Variants in EPS15 observed in about 807,000 individuals in gnomAD.
The protein encoded by EPS15 is epidermal growth factor receptor pathway substrate 15.
In EPS15, 72 loss-of-function variants were observed where a neutral mutation model predicts 113.8. The observed-to-expected ratio is 0.63, with a 90% CI of 0.52 to 0.77. The LOEUF is 0.77. EPS15 is among the 30% of genes least tolerant of loss of function. The pLI is 0.00. For missense variants in EPS15, 1,048 were observed against 1,045.8 expected (o/e 1.00, Z -0.03); for synonymous variants, 344 against 363.4 (o/e 0.95, Z 0.61).
At chr1:51,402,169 CACATACAT>C (rs537916848) in intron 18 of EPS15, among the ~76,000 whole-genome samples, 93 of 150,614 alleles carry the variant, frequency 6.2e-4, no homozygotes, top group African/African-American at 2.2e-3. Flanking sequence ...AATAAATACA[CACATACAT>C]ACATACATAC....
chr1:51,466,629 A>AAAAAT (rs1553131562), intron 5 of EPS15, among the ~76,000 whole-genome samples: 1 of 151,862 alleles, frequency 6.6e-6, no homozygotes, highest in Admixed American at 6.6e-5. Context: ...CTCTCAAAAA[A>AAAAAT]AAATAAATAA....
intron 21 of EPS15, among the ~76,000 whole-genome samples, chr1:51,375,640 T>G (rs1287555088): frequency 6.6e-6 from 1 of 152,220 alleles, no homozygotes. Flanking sequence ...CCTATATACA[T>G]ATCTCTTTTT....
At chr1:51,472,535 G>C (rs551654257) in intron 3 of EPS15, among the ~76,000 whole-genome samples, 37 of 152,262 alleles carry the variant, frequency 2.4e-4, no homozygotes, top group African/African-American at 8.4e-4. Flanking sequence ...AGTTATAACA[G>C]AGGAAGTAGG....
chr1:51,466,956 T>C (rs1469617127), intron 5 of EPS15, among the ~76,000 whole-genome samples: 2 of 152,002 alleles, frequency 1.3e-5, no homozygotes, highest in African/African-American at 2.4e-5. Context: ...AAAGAGGCCC[T>C]AGAATTCAAT....
Position 51,444,936 on chromosome 1 carries a change from G to C in EPS15, c.907C>G (p.Leu303Val). The change falls in exon 11 of 25, where the codon CTT (leucine) becomes GTT (valine). Residue 303 changes from leucine to valine, a missense_variant. Transcript: ENST00000371733. ...LIKGIDPPHV[L>V]TPEMIPPSDR... ...GATGGTGGAATCATTTCAGGAGTAA[G>C]AACGTGAGGAGGATCAATGCCCTTG... The C allele has an allele frequency of 6.2e-7, 1 of 1,613,966 alleles. No homozygotes were observed.
chr1:51,376,466 C>A (rs995438063), intron 21 of EPS15, among the ~76,000 whole-genome samples: 5 of 152,162 alleles, frequency 3.3e-5, no homozygotes, highest in African/African-American at 1.2e-4. Flanking sequence ...GAGTTCGAGA[C>A]CAGCCTGGCC....
At chr1:51,429,542 G>A (rs145365681) in intron 12 of EPS15, among the ~76,000 whole-genome samples, 224 of 152,044 alleles carry the variant, frequency 1.5e-3, no homozygotes, top group Non-Finnish European at 2.7e-3. Flanking sequence ...ACCTAGAATG[G>A]AAGGTTCATG....
chr1:51,452,099 G>T (rs71651196), intron 8 of EPS15, among the ~76,000 whole-genome samples: 38,806 of 149,994 alleles, frequency 0.26, 6,041 homozygotes, highest in Middle Eastern at 0.39. Flanking sequence ...CAGGCTGGTT[G>T]GTCTCCAACT....
intron 2 of EPS15, among the ~76,000 whole-genome samples, chr1:51,473,203 T>C (rs919638792): frequency 3.3e-5 from 5 of 152,178 alleles, no homozygotes; most frequent in African/African-American, 4.8e-5. Flanking sequence ...GCTCAGAGGA[T>C]TGTCAAAGCA....
intron 1 of EPS15, among the ~76,000 whole-genome samples, chr1:51,486,944 A>G (rs1484241112): frequency 2.6e-5 from 4 of 152,212 alleles, no homozygotes; most frequent in African/African-American, 9.6e-5. Flanking sequence ...TGCTGGGATT[A>G]CAGGCATAAG....
At chr1:51,417,030 G>A (rs1388160059) in intron 13 of EPS15, among the ~76,000 whole-genome samples, 1 of 151,916 alleles carries the variant, frequency 6.6e-6, no homozygotes, top group Admixed American at 6.6e-5. Context: ...AATAAACTAG[G>A]GTGGGTGTTA....
chr1:51,398,906 G>GA (rs914090434), intron 20 of EPS15, 126 bp downstream of exon 20: 47 of 827,412 alleles, frequency 5.7e-5, no homozygotes, highest in Non-Finnish European at 6.3e-5. Flanking sequence ...GGATGAGACT[G>GA]AAATTCTTAT....
At chr1:51,374,607 A>G (rs1209048471) in intron 21 of EPS15, among the ~76,000 whole-genome samples, 1 of 152,248 alleles carries the variant, frequency 6.6e-6, no homozygotes, top group East Asian at 1.9e-4. Flanking sequence ...TCTGTCTCCA[A>G]AACAAAACAA....
intron 2 of EPS15, among the ~76,000 whole-genome samples, chr1:51,474,418 A>G (rs550709656): frequency 6.6e-6 from 1 of 152,346 alleles, no homozygotes; most frequent in Non-Finnish European, 1.5e-5. Flanking sequence ...TTGGTAGATG[A>G]AGTCAGGATT....
intron 12 of EPS15, among the ~76,000 whole-genome samples, chr1:51,426,837 C>CTCTATA (rs377211027): frequency 1.4e-4 from 20 of 143,564 alleles, no homozygotes; most frequent in African/African-American, 3.4e-4. Context: ...CTCTCTCTCT[C>CTCTATA]TATATATATA....
At chr1:51,441,025 C>G (rs1409329967) in intron 11 of EPS15, among the ~76,000 whole-genome samples, 1 of 151,954 alleles carries the variant, frequency 6.6e-6, no homozygotes, top group African/African-American at 2.4e-5. Flanking sequence ...GACATCCTGT[C>G]CATACAGTTT....
intron 12 of EPS15, among the ~76,000 whole-genome samples, chr1:51,430,972 TTACA>T (rs1210145447): frequency 1.0e-4 from 9 of 89,574 alleles, no homozygotes; most frequent in East Asian, 3.2e-4. Context: ...AATACATTAC[TTACA>T]TACACACACA....
intron 1 of EPS15, among the ~76,000 whole-genome samples, chr1:51,483,466 G>C (rs1258095997): frequency 6.7e-6 from 1 of 149,820 alleles, no homozygotes; most frequent in Non-Finnish European, 1.5e-5. Flanking sequence ...TTTTTCTGGA[G>C]AACCCTAATA....
intron 1 of EPS15, among the ~76,000 whole-genome samples, chr1:51,516,015 T>A (rs1209340357): frequency 6.6e-6 from 1 of 152,166 alleles, no homozygotes; most frequent in Non-Finnish European, 1.5e-5. Context: ...TTTTTTTTTT[T>A]AAGTATTACA....
Sources: gnomAD v4.1 joint callset for allele counts (sites outside exome capture counted in the v4.1 genomes callset) on GRCh38, gnomAD v4.1.1 for gene constraint, MANE v1.5 for transcripts, NCBI Gene and HGNC (gene_info 2026-07-23, HGNC 2026-07-21) for gene names.